Variants in SYNPO2 observed in about 807,000 individuals in gnomAD.
The protein encoded by SYNPO2 is synaptopodin 2, also known as synaptopodin-2.
SYNPO2 carries 56 observed loss-of-function variants against 85.0 expected under a neutral mutation model. The observed-to-expected ratio is 0.66, with a 90% CI of 0.53 to 0.82. SYNPO2 has a LOEUF of 0.82. Among genes scored for constraint, SYNPO2 ranks in the 40% least tolerant of loss-of-function variants. The pLI, the probability that SYNPO2 is intolerant of heterozygous loss-of-function variation, is 0.00. For synonymous variants in SYNPO2, 602 were observed against 591.1 expected (o/e 1.02, Z -0.27); for missense variants, 1,575 against 1,534.2 (o/e 1.03, Z -0.44).
intron 1 of SYNPO2, among the ~76,000 whole-genome samples, chr4:118,863,390 T>C (rs984841141): frequency 6.6e-6 from 1 of 152,192 alleles, no homozygotes; most frequent in Admixed American, 6.5e-5. Flanking sequence ...CTTGGTAGGT[T>C]GTATGTGTCT....
At chr4:118,969,914 T>C (rs553953226) in intron 1 of SYNPO2, among the ~76,000 whole-genome samples, 1 of 152,202 alleles carries the variant, frequency 6.6e-6, no homozygotes, top group Non-Finnish European at 1.5e-5. Context: ...ATGGGAATGT[T>C]CTATTGTTTG....
intron 4 of SYNPO2, chr4:119,037,229 C>A: frequency 6.6e-7 from 1 of 1,508,804 alleles, no homozygotes. Flanking sequence ...AAAGGAAACA[C>A]AAAGAAATCC....
intron 1 of SYNPO2, 35 bp downstream of exon 1, chr4:118,889,176 A>AG (rs763741107): frequency 3.6e-5 from 57 of 1,589,150 alleles, no homozygotes; most frequent in South Asian, 2.9e-4. Flanking sequence ...GCTCTGTGCT[A>AG]GGAAGGAAGG....
chr4:118,890,767 A>G (rs1331901759), intron 1 of SYNPO2, among the ~76,000 whole-genome samples: 1 of 143,868 alleles, frequency 7.0e-6, no homozygotes, highest in East Asian at 2.0e-4. Context: ...AGGGAGAGAG[A>G]GACAAATATT....
At chr4:118,939,703 A>G (rs1427069434) in intron 1 of SYNPO2, among the ~76,000 whole-genome samples, 2 of 152,150 alleles carry the variant, frequency 1.3e-5, no homozygotes, top group Non-Finnish European at 2.9e-5. Context: ...TGACTTTTAA[A>G]TTTTGAATCT....
intron 1 of SYNPO2, among the ~76,000 whole-genome samples, chr4:118,907,860 A>T (rs4834716): frequency 0.83 from 126,309 of 151,906 alleles, 52,658 homozygotes; most frequent in Middle Eastern, 0.93. Context: ...ACTCACAATC[A>T]CTCTTACCTT....
intron 1 of SYNPO2, among the ~76,000 whole-genome samples, chr4:119,014,946 T>A (rs1196781650): frequency 5.3e-5 from 8 of 152,214 alleles, no homozygotes; most frequent in Non-Finnish European, 1.0e-4. Context: ...TTTCCCCCAG[T>A]ACCCTACTAC....
chr4:118,884,266 C>CT (rs1217276670), upstream of SYNPO2, among the ~76,000 whole-genome samples: 1 of 152,208 alleles, frequency 6.6e-6, no homozygotes, highest in African/African-American at 2.4e-5. Flanking sequence ...TATAGAAGCA[C>CT]TAGAGACCCA....
intron 1 of SYNPO2, among the ~76,000 whole-genome samples, chr4:118,987,184 G>A (rs1412982106): frequency 6.6e-6 from 1 of 152,136 alleles, no homozygotes; most frequent in Admixed American, 6.5e-5. Context: ...AATAAAGGTA[G>A]AATAAAAGAA....
At chr4:118,917,252 G>T (rs574980558) in intron 1 of SYNPO2, among the ~76,000 whole-genome samples, 11 of 152,220 alleles carry the variant, frequency 7.2e-5, no homozygotes, top group African/African-American at 2.4e-4. Flanking sequence ...AAATAGCTGG[G>T]TGTGGTGGCG....
intron 1 of SYNPO2, among the ~76,000 whole-genome samples, chr4:118,871,310 C>G (rs1731795650): frequency 6.6e-6 from 1 of 151,742 alleles, no homozygotes; most frequent in Middle Eastern, 3.4e-3. Context: ...CTCTGTTGCC[C>G]AAAGTGCTGG....
intron 2 of SYNPO2, among the ~76,000 whole-genome samples, chr4:119,024,566 A>C (rs1376959869): frequency 2.0e-5 from 3 of 152,198 alleles, no homozygotes; most frequent in African/African-American, 7.2e-5. Flanking sequence ...TATTCTTATA[A>C]TCTAAATATT....
At chr4:118,886,345 C>T (rs377121302), upstream of SYNPO2, among the ~76,000 whole-genome samples, 67 of 152,034 alleles carry the variant, frequency 4.4e-4, 1 homozygote, top group East Asian at 2.1e-3. Context: ...CCTATCAACC[C>T]GTCATCTAGG....
At chr4:118,969,476 C>T (rs1735451363) in intron 1 of SYNPO2, among the ~76,000 whole-genome samples, 1 of 152,128 alleles carries the variant, frequency 6.6e-6, no homozygotes, top group African/African-American at 2.4e-5. Context: ...CTTTCACTGC[C>T]CTCTGCTGCT....
At chr4:118,995,884 A>G (rs1736570544) in intron 1 of SYNPO2, among the ~76,000 whole-genome samples, 1 of 150,668 alleles carries the variant, frequency 6.6e-6, no homozygotes, top group East Asian at 1.9e-4. Context: ...CTATCTATCT[A>G]TCTATCTATC....
chr4:118,963,736 T>C (rs1735193445), intron 1 of SYNPO2, among the ~76,000 whole-genome samples: 1 of 152,248 alleles, frequency 6.6e-6, no homozygotes, highest in Admixed American at 6.5e-5. Flanking sequence ...GTACATGCTG[T>C]TATGATTTAT....
At chr4:118,980,410 A>G (rs561454628) in intron 1 of SYNPO2, among the ~76,000 whole-genome samples, 1 of 152,140 alleles carries the variant, frequency 6.6e-6, no homozygotes, top group East Asian at 1.9e-4. Flanking sequence ...AGAACTGTCT[A>G]CTGTTTGCTT....
intron 1 of SYNPO2, among the ~76,000 whole-genome samples, chr4:118,913,590 T>A (rs985382578): frequency 3.3e-5 from 5 of 151,854 alleles, no homozygotes; most frequent in South Asian, 4.2e-4. Flanking sequence ...TGTGTGTGTG[T>A]GTGTGTGCAG....
chr4:118,887,517 T>C (rs11937710), upstream of SYNPO2, among the ~76,000 whole-genome samples: 24,634 of 152,158 alleles, frequency 0.16, 2,232 homozygotes, highest in Non-Finnish European at 0.21. Context: ...CTTGATTGAA[T>C]CCACCACCAC....
Sources: allele counts gnomAD v4.1 joint callset (sites outside exome capture counted in the v4.1 genomes callset), GRCh38; gene constraint gnomAD v4.1.1; transcripts MANE v1.5; gene names NCBI Gene and HGNC (gene_info 2026-07-23, HGNC 2026-07-21).